Variants in IQGAP2 observed in about 807,000 individuals in gnomAD.
IQGAP2 encodes the protein IQ motif containing GTPase activating protein 2.
Under a neutral mutation model 201.3 loss-of-function variants are expected in IQGAP2, and 173 were observed. The observed-to-expected ratio is 0.86, with a 90% CI of 0.76 to 0.98. The LOEUF is 0.98. Among genes scored for constraint, IQGAP2 ranks in the 50% least tolerant of loss-of-function variants. IQGAP2 has a pLI of 0.00. For missense variants in IQGAP2, 1,687 were observed against 1,864.8 expected (o/e 0.90, Z 1.76); for synonymous variants, 675 against 673.9 (o/e 1.00, Z -0.03).
chr5:76,531,641 T>A (rs762050125), intron 2 of IQGAP2, among the ~76,000 whole-genome samples: 7 of 152,188 alleles, frequency 4.6e-5, no homozygotes, highest in Non-Finnish European at 8.8e-5. Flanking sequence ...AAGGCTCTGT[T>A]CCTCGGAACA....
chr5:76,606,197 C>T lies in IQGAP2; in HGVS notation c.1251C>T (p.Leu417=), dbSNP rs759825389. ...TCCACAGTTATGCAAACACACTACT[C>T]TCTGTTAAACTAGAAGTTTTATCCC... ...AYVERYANTL[L]SVKLEVLSQG... is the part of the protein sequence containing the mutation. The change falls in exon 12 of 36, where the codon CTC becomes CTT. Residue 417 remains leucine, a synonymous_variant. Transcript: ENST00000274364. 2.1e-5 allele frequency: 34 copies of T among 1,602,662 alleles called. No homozygotes were observed. The highest frequency in any genetic ancestry group is 2.6e-5 in the Non-Finnish European group (31 of 1,173,746).
intron 10 of IQGAP2, among the ~76,000 whole-genome samples, 173 bp downstream of exon 10, chr5:76,597,775 C>A (rs1045829020): frequency 6.6e-6 from 1 of 152,176 alleles, no homozygotes; most frequent in Non-Finnish European, 1.5e-5. Flanking sequence ...TTAATTCTTG[C>A]TTTTAGTCTA....
chr5:76,702,338 A>T (rs1397593994), intron 34 of IQGAP2, 144 bp from the exon 35 acceptor site: 1 of 574,872 alleles, frequency 1.7e-6, no homozygotes, highest in East Asian at 3.0e-5. Flanking sequence ...GGGAAAGATG[A>T]CGTGAGGTTT....
At chr5:76,509,762 G>C (rs996378422) in intron 2 of IQGAP2, among the ~76,000 whole-genome samples, 1 of 152,042 alleles carries the variant, frequency 6.6e-6, no homozygotes, top group Non-Finnish European at 1.5e-5. Context: ...ATGGGTCATA[G>C]GACAGAACAT....
intron 2 of IQGAP2, among the ~76,000 whole-genome samples, chr5:76,472,062 G>A (rs1407190947): frequency 6.6e-6 from 1 of 152,232 alleles, no homozygotes. Flanking sequence ...GGCAGCTGGT[G>A]GGGCAGAGGG....
rs376030929 is a variant in IQGAP2, at chr5:76,461,616, G to A, written c.93G>A (p.Arg31=). The stretch of plus-strand genomic sequence containing the variant: ...TCTCTGCAGAGGAGATGGATGAGAG[G>A]AGGCGGCAGAACATTGCTTATGAAT... ...ERLSAEEMDE[R]RRQNIAYEYL... is the part of the protein sequence containing the mutation. Residue 31 remains arginine (R), a synonymous_variant, in exon 2 of 36, where the codon AGG becomes AGA. Coordinates refer to ENST00000274364, the MANE Select transcript of IQGAP2 (RefSeq NM_006633.5). 5 of 1,613,942 alleles carry A rather than the reference G, an allele frequency of 3.1e-6. No individual in the cohort carries two copies. The African/African-American group carries it at 5.3e-5, about 17-fold the overall frequency.
intron 27 of IQGAP2, among the ~76,000 whole-genome samples, chr5:76,676,077 T>TCTCACA (rs35972592): frequency 1.7e-3 from 232 of 135,660 alleles, no homozygotes; most frequent in East Asian, 4.4e-3. Flanking sequence ...TAAGACTCTG[T>TCTCACA]CACACACACA....
At chr5:76,496,720 C>CTTTCTTTCT (rs1756927024) in intron 2 of IQGAP2, among the ~76,000 whole-genome samples, 1 of 17,830 alleles carries the variant, frequency 5.6e-5, no homozygotes. Flanking sequence ...TTCTTTCTTT[C>CTTTCTTTCT]TTTCTTTTCT....
At chr5:76,604,141 CT>C (rs1747626489) in intron 11 of IQGAP2, among the ~76,000 whole-genome samples, 1 of 152,022 alleles carries the variant, frequency 6.6e-6, no homozygotes, top group Non-Finnish European at 1.5e-5. Context: ...TCCCCACCCC[CT>C]GACATGCCTC....
At chr5:76,623,221 G>A in intron 13 of IQGAP2, 1 of 1,614,184 alleles carries the variant, frequency 6.2e-7, no homozygotes, top group South Asian at 1.1e-5. Context: ...GCAAAGATGA[G>A]GGCTTTCATT....
chr5:76,492,397 C>T (rs7707762), intron 2 of IQGAP2, among the ~76,000 whole-genome samples: 2 of 152,122 alleles, frequency 1.3e-5, no homozygotes, highest in Admixed American at 6.5e-5. Context: ...GGAAAGGTAG[C>T]ACTGGGATAT....
intron 30 of IQGAP2, among the ~76,000 whole-genome samples, chr5:76,690,551 A>G (rs1746175506): frequency 6.6e-6 from 1 of 152,130 alleles, no homozygotes; most frequent in African/African-American, 2.4e-5. Context: ...GGCCTCTCAG[A>G]GTGAGCTCCT....
intron 14 of IQGAP2, among the ~76,000 whole-genome samples, chr5:76,628,297 C>T (rs1210760234): frequency 6.6e-6 from 1 of 152,152 alleles, no homozygotes; most frequent in Non-Finnish European, 1.5e-5. Flanking sequence ...CTGTGGTCCA[C>T]CAGTCAATGT....
chr5:76,438,768 G>A (rs1172043503), intron 1 of IQGAP2, among the ~76,000 whole-genome samples: 1 of 151,988 alleles, frequency 6.6e-6, no homozygotes, highest in East Asian at 1.9e-4. Context: ...AATTGAGTTT[G>A]TTTGAATCTT....
At chr5:76,424,480 T>A (rs1266699028) in intron 1 of IQGAP2, among the ~76,000 whole-genome samples, 1 of 151,994 alleles carries the variant, frequency 6.6e-6, no homozygotes, top group Non-Finnish European at 1.5e-5. Flanking sequence ...GCTCATTTTG[T>A]ATTTTTAGTA....
intron 2 of IQGAP2, among the ~76,000 whole-genome samples, chr5:76,479,834 G>A (rs1755668895): frequency 6.6e-6 from 1 of 152,130 alleles, no homozygotes; most frequent in Admixed American, 6.5e-5. Flanking sequence ...CAGAAGTCTT[G>A]TGGCTAAGTC....
At chr5:76,655,152 C>G in intron 20 of IQGAP2, 149 bp downstream of exon 20, 2 of 578,446 alleles carry the variant, frequency 3.5e-6, no homozygotes, top group South Asian at 2.5e-5. Flanking sequence ...GCCCCAGGTT[C>G]TAAACCAGTA....
At chr5:76,537,582 A>T (rs1312013356) in intron 2 of IQGAP2, among the ~76,000 whole-genome samples, 20 of 151,828 alleles carry the variant, frequency 1.3e-4, no homozygotes, top group Admixed American at 1.3e-3. Flanking sequence ...ATTCGGGAAG[A>T]GGGTGGAAAT....
At chr5:76,475,881 T>G (rs1487633579) in intron 2 of IQGAP2, among the ~76,000 whole-genome samples, 1 of 152,156 alleles carries the variant, frequency 6.6e-6, no homozygotes, top group African/African-American at 2.4e-5. Context: ...CTTTGGCCTC[T>G]GCATGGGAAA....
Sources: allele counts gnomAD v4.1 joint callset (sites outside exome capture counted in the v4.1 genomes callset), GRCh38; gene constraint gnomAD v4.1.1; transcripts MANE v1.5; gene names NCBI Gene and HGNC (gene_info 2026-07-23, HGNC 2026-07-21).